Variants in ATP9B observed in about 807,000 individuals in gnomAD.
ATP9B encodes ATPase phospholipid transporting 9B, also known as probable phospholipid-transporting ATPase IIB.
In ATP9B, 110 loss-of-function variants were observed where a neutral mutation model predicts 146.1. The ratio of observed to expected loss-of-function variants is 0.75; its 90% CI spans 0.65 to 0.88. The LOEUF (loss-of-function observed/expected upper bound fraction) is 0.88. Among genes scored for constraint, ATP9B ranks in the 40% least tolerant of loss-of-function variants. The pLI is 0.00. For missense variants in ATP9B, 1,499 were observed against 1,496.4 expected, an observed-to-expected ratio of 1.00 and a Z score of -0.03; for synonymous variants, 604 against 569.7, an observed-to-expected ratio of 1.06 and a Z score of -0.86.
At chr18:79,107,524 TG>T (rs2075733824) in intron 2 of ATP9B, among the ~76,000 whole-genome samples, 1 of 152,120 alleles carries the variant, frequency 6.6e-6, no homozygotes, top group African/African-American at 2.4e-5. Flanking sequence ...GCTTCCTCCG[TG>T]GGCGGCATTG....
At chr18:79,361,736 C>G (rs1369767658) in intron 26 of ATP9B, 1 of 984,520 alleles carries the variant, frequency 1.0e-6, no homozygotes, top group African/African-American at 1.7e-5. Context: ...TCCTTCTGAA[C>G]AGTTCGCCAA....
At chr18:79,090,198 A>G (rs1273615006) in intron 1 of ATP9B, among the ~76,000 whole-genome samples, 3 of 152,198 alleles carry the variant, frequency 2.0e-5, no homozygotes, top group East Asian at 1.9e-4. Context: ...ATTGCTTCCA[A>G]ATTTTAACTG....
In ATP9B at chr18:79,347,880, C is replaced by T. The variant is rs545743728; in HGVS notation, c.2793C>T (p.Leu931=). ...GRNSYKRSAA[L]GQFVMHRGLI... ...ACAGCTACAAGAGGTCGGCGGCACT[C>T]GGCCAGTTCGTCATGCACAGGGGCC... Residue 931 remains leucine, a synonymous_variant, in exon 24 of 30, where the codon CTC becomes CTT. Transcript: ENST00000426216. 49 of 1,613,788 alleles carry T rather than the reference C, an allele frequency of 3.0e-5. No homozygotes were observed. The South Asian group carries it at 4.3e-4, about 14-fold the overall frequency.
intron 7 of ATP9B, among the ~76,000 whole-genome samples, chr18:79,155,821 G>T (rs1349108436): frequency 7.5e-6 from 1 of 133,344 alleles, no homozygotes; most frequent in African/African-American, 2.9e-5. Flanking sequence ...GGAGTGCAGT[G>T]GTGCGATCTC....
At chr18:79,192,745 C>G (rs1312157852) in intron 8 of ATP9B, among the ~76,000 whole-genome samples, 1 of 152,156 alleles carries the variant, frequency 6.6e-6, no homozygotes, top group Non-Finnish European at 1.5e-5. Context: ...TTATAGTGAC[C>G]AGTGCCTGCT....
At chr18:79,263,310 T>C (rs1275413496) in intron 12 of ATP9B, among the ~76,000 whole-genome samples, 1 of 152,160 alleles carries the variant, frequency 6.6e-6, no homozygotes, top group Non-Finnish European at 1.5e-5. Context: ...CAGTGGGCCC[T>C]GCAAAACCTA....
At chr18:79,234,693 G>A (rs1179998810) in intron 11 of ATP9B, among the ~76,000 whole-genome samples, 1 of 151,878 alleles carries the variant, frequency 6.6e-6, no homozygotes, top group African/African-American at 2.4e-5. Context: ...CTGTGGGTGT[G>A]CTGCTGTAAG....
At position 79,346,058 on chromosome 18, in the gene ATP9B, C is replaced by T. The variant is rs536849771; in HGVS notation, c.2682+219C>T. ...AGCACACACTCGGTACACGCTCGGTCGGCGCACGTCAGCACATGCTCAGCG... is the reference window on the plus strand; with the variant it reads ...AGCACACACTCGGTACACGCTCGGTTGGCGCACGTCAGCACATGCTCAGCG... On this transcript the variant is annotated intron_variant, in intron 23 of 29. Coordinates refer to ENST00000426216, the MANE Select transcript of ATP9B (RefSeq NM_198531.5). 3.4e-5 allele frequency among the ~76,000 whole-genome samples: 5 copies of T among 147,658 alleles called. No individual in the cohort carries two copies. In the South Asian group the frequency reaches 8.7e-4, roughly 26 times the overall value.
chr18:79,277,485 T>G (rs775612131), intron 13 of ATP9B, among the ~76,000 whole-genome samples: 3 of 152,206 alleles, frequency 2.0e-5, no homozygotes, highest in Non-Finnish European at 4.4e-5. Context: ...AGTTTTTTTT[T>G]TAAACTACCT....
At chr18:79,192,597 T>C (rs1331511922) in intron 8 of ATP9B, among the ~76,000 whole-genome samples, 1 of 152,164 alleles carries the variant, frequency 6.6e-6, no homozygotes, top group Admixed American at 6.5e-5. Flanking sequence ...TGCTCTAAAA[T>C]TAATGGTATG....
At chr18:79,151,130 G>C (rs2094682914) in intron 6 of ATP9B, among the ~76,000 whole-genome samples, 1 of 152,284 alleles carries the variant, frequency 6.6e-6, no homozygotes, top group African/African-American at 2.4e-5. Context: ...GACCCAGAAT[G>C]GCCAAAACAA....
At chr18:79,098,393 A>C (rs1309430732) in intron 2 of ATP9B, among the ~76,000 whole-genome samples, 12 of 147,584 alleles carry the variant, frequency 8.1e-5, no homozygotes, top group Non-Finnish European at 1.0e-4. Flanking sequence ...GGATCTAATT[A>C]AACTAAAGAG....
At chr18:79,272,029 A>T (rs1192499305) in intron 12 of ATP9B, among the ~76,000 whole-genome samples, 2 of 152,130 alleles carry the variant, frequency 1.3e-5, no homozygotes, top group Non-Finnish European at 2.9e-5. Context: ...TGGCTGCATA[A>T]ATGTCTTCTT....
intron 7 of ATP9B, among the ~76,000 whole-genome samples, chr18:79,156,849 C>T (rs1320482986): frequency 6.6e-6 from 1 of 152,094 alleles, no homozygotes; most frequent in Admixed American, 6.6e-5. Flanking sequence ...CATAGTTTGT[C>T]ACATGTGAAT....
intron 12 of ATP9B, among the ~76,000 whole-genome samples, chr18:79,261,562 C>T (rs1295075967): frequency 6.6e-6 from 1 of 152,114 alleles, no homozygotes; most frequent in African/African-American, 2.4e-5. Context: ...CCACCACCCC[C>T]GACCAGTCCA....
chr18:79,156,009 A>G (rs190140243), intron 7 of ATP9B, among the ~76,000 whole-genome samples: 64 of 151,810 alleles, frequency 4.2e-4, no homozygotes, highest in African/African-American at 1.4e-3. Flanking sequence ...TGATCCACCC[A>G]CCTCGGCCTC....
intron 7 of ATP9B, among the ~76,000 whole-genome samples, chr18:79,175,449 A>G (rs1451968535): frequency 1.3e-5 from 2 of 152,222 alleles, no homozygotes; most frequent in Admixed American, 6.5e-5. Context: ...CTCTATAGGT[A>G]TTATACACAC....
chr18:79,290,160 C>T (rs1035832013), intron 13 of ATP9B, among the ~76,000 whole-genome samples: 6 of 152,178 alleles, frequency 3.9e-5, no homozygotes, highest in African/African-American at 1.4e-4. Flanking sequence ...CAGACAGGGA[C>T]ATTTAAGTCT....
intron 15 of ATP9B, among the ~76,000 whole-genome samples, chr18:79,313,129 G>A (rs541055448): frequency 3.3e-5 from 5 of 152,306 alleles, no homozygotes; most frequent in African/African-American, 7.2e-5. Context: ...TGATAGATAC[G>A]TAAAAATCTC....
Sources: gnomAD v4.1 joint callset for allele counts (sites outside exome capture counted in the v4.1 genomes callset) on GRCh38, gnomAD v4.1.1 for gene constraint, MANE v1.5 for transcripts, NCBI Gene and HGNC (gene_info 2026-07-23, HGNC 2026-07-21) for gene names.